The following ALDH1L2 variants were observed in gnomAD, a reference collection of about 807,000 sequenced individuals.
ALDH1L2 encodes the protein aldehyde dehydrogenase 1 family member L2.
A neutral mutation model predicts 111.0 loss-of-function variants in ALDH1L2; 91 were observed. The ratio of observed to expected loss-of-function variants is 0.82; its 90% CI spans 0.69 to 0.98. The LOEUF is 0.98. Ranked by LOEUF, ALDH1L2 falls within the 50% of genes least tolerant of loss-of-function variation. The pLI is 0.00. For missense variants in ALDH1L2, 995 were observed against 1,126.8 expected (o/e 0.88, Z 1.67); for synonymous variants, 374 against 392.6 (o/e 0.95, Z 0.56).
chr12:105,068,297 G>C (rs6539187), intron 4 of ALDH1L2, among the ~76,000 whole-genome samples: 133,041 of 151,934 alleles, frequency 0.88, 58,568 homozygotes, highest in East Asian at 1. Context: ...CCCAGAATAC[G>C]TCTGGATAAA....
chr12:105,074,488 AG>A lies in ALDH1L2; in HGVS notation c.49-484del, dbSNP rs1877931600. 2.0e-5 allele frequency among the ~76,000 whole-genome samples: 3 copies of A among 149,242 alleles called. No individual in the cohort carries two copies. The South Asian group carries it at 6.3e-4, about 31-fold the overall frequency. The stretch of plus-strand genomic sequence containing the variant: ...AAAAAAAAAAAAAAAAAAAAAGAAA[AG>A]AAAAAGAAAGAAAGAAAGAGGGTAA... On this transcript the variant is annotated intron_variant, in intron 1 of 22. Coordinates refer to ENST00000258494, the MANE Select transcript of ALDH1L2 (RefSeq NM_001034173.4).
chr12:105,032,965 C>T (rs1874788907), intron 19 of ALDH1L2, among the ~76,000 whole-genome samples: 1 of 152,180 alleles, frequency 6.6e-6, no homozygotes, highest in South Asian at 2.1e-4. Flanking sequence ...TCATCACTGA[C>T]ATGTATTTGT....
In ALDH1L2 at chr12:105,036,220, GTA is replaced by G. The variant is rs1875050381; in HGVS notation, c.2146-1824_2146-1823del. On this transcript the variant is annotated intron_variant, in intron 18 of 22. Transcript: ENST00000258494. ...TATATACACGTATATTTATATATGT[GTA>G]TATAATATATACACGTATATTTATA... Among the ~76,000 whole-genome samples, 2 of 32,956 alleles carry G rather than the reference GTA, an allele frequency of 6.1e-5. 1 individual carries two copies. Among genetic ancestry groups the G allele is most frequent in the South Asian group, 2.9e-3 (2 of 686 alleles). 21.6% of individuals were successfully genotyped at this position (32,956 alleles called of 152,430 possible). A position where few individuals can be genotyped will look rare whatever the true frequency, so the allele number is the denominator to read the frequency against.
At chr12:105,066,168 T>A (rs187984055) in intron 5 of ALDH1L2, among the ~76,000 whole-genome samples, 206 of 152,274 alleles carry the variant, frequency 1.4e-3, no homozygotes, top group Non-Finnish European at 1.1e-3. Context: ...TTCATTAGCA[T>A]GTAGCTAGTG....
rs553091178 is a variant in ALDH1L2 at position 105,084,224 on chromosome 12, CTCTG to C, written c.48+161_48+164del. 3.7e-3 allele frequency among the ~76,000 whole-genome samples: 570 copies of C among 152,284 alleles called. 8 individuals carry two copies. Among genetic ancestry groups the C allele is most frequent in the African/African-American group, 0.013 (533 of 41,572 alleles). ...CTCCCCAAGCCCTCCTCTGAGGTCTCTCTGTTTTTGTTTGTTTGTTTGTTTGTTT... is the reference window on the plus strand; with the variant it reads ...CTCCCCAAGCCCTCCTCTGAGGTCTCTTTTTGTTTGTTTGTTTGTTTGTTT... On this transcript the variant is annotated intron_variant, in intron 1 of 22. Transcript: ENST00000258494.
At chr12:105,045,455 A>G (rs1565956501) in intron 15 of ALDH1L2, among the ~76,000 whole-genome samples, 1 of 150,120 alleles carries the variant, frequency 6.7e-6, no homozygotes, top group East Asian at 1.9e-4. Flanking sequence ...ATATATATCT[A>G]CATATAATAA....
At chr12:105,081,935 T>G (rs1464718033) in intron 1 of ALDH1L2, among the ~76,000 whole-genome samples, 1 of 152,256 alleles carries the variant, frequency 6.6e-6, no homozygotes, top group Non-Finnish European at 1.5e-5. Flanking sequence ...GGCTCATGCC[T>G]GTAATCCCAA....
chr12:105,025,518 G>A (rs1874365960), intron 22 of ALDH1L2, among the ~76,000 whole-genome samples: 1 of 152,132 alleles, frequency 6.6e-6, no homozygotes, highest in Admixed American at 6.5e-5. Flanking sequence ...TTGGATTCAG[G>A]CATGAAAACC....
At chr12:105,026,892 C>T (rs926824716) in intron 21 of ALDH1L2, 148 bp from the exon 22 acceptor site, 2 of 954,490 alleles carry the variant, frequency 2.1e-6, no homozygotes, top group African/African-American at 1.7e-5. Context: ...TTTTAGAGGC[C>T]AGGCATTGCT....
At position 105,044,480 on chromosome 12, in the gene ALDH1L2, A is replaced by T. The variant is rs1002770510; in HGVS notation, c.1863+2230T>A. Reference sequence around the variant, plus strand: ...ATCAGCATTTTAAAAGGAGAACTTTAGGTGATTCTAATGTACAGCCAGTGT... The same window carrying T: ...ATCAGCATTTTAAAAGGAGAACTTTTGGTGATTCTAATGTACAGCCAGTGT... On this transcript the variant is annotated intron_variant, in intron 15 of 22. Transcript: ENST00000258494. 1.2e-4 allele frequency among the ~76,000 whole-genome samples: 18 copies of T among 151,534 alleles called. 1 individual carries two copies. Among genetic ancestry groups the T allele is most frequent in the Admixed American group, 8.5e-4 (13 of 15,214 alleles).
intron 6 of ALDH1L2, among the ~76,000 whole-genome samples, chr12:105,064,413 A>C (rs1877223133): frequency 1.3e-5 from 2 of 152,086 alleles, no homozygotes; most frequent in South Asian, 2.1e-4. Context: ...TTTTCATAGA[A>C]GCATTCTGGC....
At chr12:105,063,663 TG>T in intron 6 of ALDH1L2, among the ~76,000 whole-genome samples, 1 of 48,822 alleles carries the variant, frequency 2.0e-5, no homozygotes, top group South Asian at 6.5e-4. Flanking sequence ...AGGTAGGGTT[TG>T]GGTGGGTGGG....
At chr12:105,034,610 C>T (rs1874881557) in intron 18 of ALDH1L2, among the ~76,000 whole-genome samples, 1 of 152,102 alleles carries the variant, frequency 6.6e-6, no homozygotes, top group South Asian at 2.1e-4. Context: ...TTATCCTTTC[C>T]CCCTTTTGGT....
chr12:105,068,591 A>T lies in ALDH1L2; in HGVS notation c.594+128T>A, dbSNP rs551368583. The stretch of plus-strand genomic sequence containing the variant: ...AAATATACCATCCCATTAGTTAAAA[A>T]AAATCTAATTTTGTTTTTAAACTTT... On this transcript the variant is annotated intron_variant, in intron 4 of 22. Coordinates refer to ENST00000258494, the MANE Select transcript of ALDH1L2 (RefSeq NM_001034173.4). 8.6e-5 allele frequency: 87 copies of T among 1,016,428 alleles called. No individual in the cohort carries two copies. In the South Asian group the frequency reaches 2.8e-3, roughly 33 times the overall value. 63.0% of individuals were successfully genotyped at this position (1,016,428 alleles called of 1,614,324 possible). A position where few individuals can be genotyped will look rare whatever the true frequency, so the allele number is the denominator to read the frequency against.
chr12:105,057,670 G>T (rs1876716766), intron 10 of ALDH1L2, among the ~76,000 whole-genome samples: 1 of 152,150 alleles, frequency 6.6e-6, no homozygotes, highest in African/African-American at 2.4e-5. Flanking sequence ...CATGTTGTAT[G>T]ATTCTATTTA....
rs1187435421 is a variant in ALDH1L2 at position 105,036,124 on chromosome 12, TATTA to T, written c.2146-1730_2146-1727del. On this transcript the variant is annotated intron_variant, in intron 18 of 22. Transcript: ENST00000258494. ...ACGTATATTTATATATGTGTATATA[TATTA>T]TATATATACGTATATTTATATATGT... Among the ~76,000 whole-genome samples the T allele has an allele frequency of 1.2e-4, 8 of 67,510 alleles. 1 individual carries two copies. The highest frequency in any genetic ancestry group is 3.5e-4 in the Admixed American group (2 of 5,776). 44.3% of individuals were successfully genotyped at this position (67,510 alleles called of 152,430 possible).
chr12:105,068,296 C>A (rs1166211615), intron 4 of ALDH1L2, among the ~76,000 whole-genome samples: 1 of 151,340 alleles, frequency 6.6e-6, no homozygotes, highest in African/African-American at 2.4e-5. Flanking sequence ...CCCCAGAATA[C>A]GTCTGGATAA....
At chr12:105,084,315 C>A in intron 1 of ALDH1L2, 74 bp downstream of exon 1, 1 of 1,463,918 alleles carries the variant, frequency 6.8e-7, no homozygotes, top group Non-Finnish European at 9.0e-7. Context: ...GCCCCACCGC[C>A]CCGGCCCTCC....
chr12:105,052,630 A>G (rs1055930047), intron 11 of ALDH1L2, among the ~76,000 whole-genome samples, 182 bp downstream of exon 11: 1 of 152,256 alleles, frequency 6.6e-6, no homozygotes, highest in African/African-American at 2.4e-5. Context: ...AGGTTACTAC[A>G]GTTAATAGCA....
Sources: gnomAD v4.1 joint callset for allele counts (sites outside exome capture counted in the v4.1 genomes callset) on GRCh38, gnomAD v4.1.1 for gene constraint, MANE v1.5 for transcripts, NCBI Gene and HGNC (gene_info 2026-07-23, HGNC 2026-07-21) for gene names.